Variants in SLC41A2 observed in about 807,000 individuals in gnomAD.
The protein encoded by SLC41A2 is SLC41A1-like 1.
Under a neutral mutation model 58.3 loss-of-function variants are expected in SLC41A2, and 32 were observed. The ratio of observed to expected loss-of-function variants is 0.55; its 90% CI spans 0.41 to 0.74. The LOEUF is 0.74. Ranked by LOEUF, SLC41A2 falls within the 30% of genes least tolerant of loss-of-function variation. The pLI, the probability that SLC41A2 is intolerant of heterozygous loss-of-function variation, is 0.00. For missense variants in SLC41A2, 514 were observed against 680.6 expected, an observed-to-expected ratio of 0.76 and a Z score of 2.72; for synonymous variants, 190 against 235.0, an observed-to-expected ratio of 0.81 and a Z score of 1.75.
At chr12:104,814,551 T>C (rs753357794) in intron 10 of SLC41A2, among the ~76,000 whole-genome samples, 5 of 152,028 alleles carry the variant, frequency 3.3e-5, no homozygotes, top group African/African-American at 1.2e-4. Flanking sequence ...ATGAAACAAA[T>C]GTTTGCTATT....
At chr12:104,853,708 A>ATGT (rs765127468) in intron 8 of SLC41A2, among the ~76,000 whole-genome samples, 1 of 142,580 alleles carries the variant, frequency 7.0e-6, no homozygotes, top group Admixed American at 7.2e-5. Context: ...TTTTTAAATA[A>ATGT]ATGTATGTAT....
At chr12:104,871,500 T>TTA (rs1343456317) in intron 6 of SLC41A2, among the ~76,000 whole-genome samples, 2 of 152,202 alleles carry the variant, frequency 1.3e-5, no homozygotes, top group Non-Finnish European at 2.9e-5. Flanking sequence ...AGAGCTTAGA[T>TTA]TACTCTCTGA....
At chr12:104,886,148 T>TA (rs2044648799) in intron 6 of SLC41A2, 145 bp downstream of exon 6, 15 of 775,226 alleles carry the variant, frequency 1.9e-5, no homozygotes, top group South Asian at 2.4e-5. Flanking sequence ...ATAGTAGGTA[T>TA]AAAACAAATG....
rs1593201459 is a variant in SLC41A2 at position 104,953,728 on chromosome 12, T to C, written c.-168+4360A>G. On this transcript the variant is annotated intron_variant, in intron 1 of 10. Transcript: ENST00000258538. ...AATCCAGCTTTACCGGAAATGAAAATTACACTATTATTTTAATAGTATTTA... is the reference window on the plus strand; with the variant it reads ...AATCCAGCTTTACCGGAAATGAAAACTACACTATTATTTTAATAGTATTTA... Among the ~76,000 whole-genome samples the C allele has an allele frequency of 4.6e-5, 7 of 152,298 alleles. 1 individual carries two copies. Among genetic ancestry groups the C allele is most frequent in the Admixed American group, 4.6e-4 (7 of 15,290 alleles).
chr12:104,922,491 T>C (rs1479942079), intron 2 of SLC41A2, among the ~76,000 whole-genome samples: 1 of 152,114 alleles, frequency 6.6e-6, no homozygotes, highest in African/African-American at 2.4e-5. Flanking sequence ...TATATATATA[T>C]ATCCACCCAA....
intron 6 of SLC41A2, among the ~76,000 whole-genome samples, chr12:104,882,908 G>T (rs1299106981): frequency 6.6e-6 from 1 of 152,180 alleles, no homozygotes; most frequent in East Asian, 1.9e-4. Context: ...ATATCCTGAA[G>T]AGTGTTTTCC....
chr12:104,924,798 G>A (rs1371990528), intron 2 of SLC41A2, among the ~76,000 whole-genome samples: 1 of 151,482 alleles, frequency 6.6e-6, no homozygotes, highest in Non-Finnish European at 1.5e-5. Context: ...ATTCATAGCA[G>A]AATAGATAAA....
At chr12:104,870,788 G>T (rs1007984119) in intron 6 of SLC41A2, among the ~76,000 whole-genome samples, 3 of 152,114 alleles carry the variant, frequency 2.0e-5, no homozygotes, top group Admixed American at 6.5e-5. Flanking sequence ...ACATGTAGCT[G>T]TTATGATTGA....
chr12:104,916,019 T>G (rs1325111077), intron 2 of SLC41A2, among the ~76,000 whole-genome samples: 1 of 152,182 alleles, frequency 6.6e-6, no homozygotes. Context: ...CTGCATCTAT[T>G]GAGATAATCA....
Position 104,844,600 on chromosome 12 carries a change from G to A in SLC41A2, c.1408C>T (p.Gln470Ter), listed in dbSNP as rs1298267782. The change falls in exon 10 of 11, where the codon CAA becomes TAA. Residue 470 changes from glutamine (Q) to a stop codon, truncating the protein, a stop_gained. Coordinates refer to ENST00000258538, the MANE Select transcript of SLC41A2 (RefSeq NM_001352171.3). LOFTEE classifies it high-confidence loss of function. ...GGAATCACTAAAAGCAGTAGAACTT[G>A]AGCAGACTTATTATTTACTCCTGTA... ...FGPGVNNKSAQVLLLLVIPGH... is the reference protein window; with the variant it reads ...FGPGVNNKSA The A allele has an allele frequency of 6.5e-7, 1 of 1,538,902 alleles. No individual in the cohort carries two copies. Among genetic ancestry groups the A allele is most frequent in the Admixed American group, 2.1e-5 (1 of 47,946 alleles).
intron 2 of SLC41A2, among the ~76,000 whole-genome samples, chr12:104,918,096 G>C (rs186292555): frequency 1.3e-5 from 2 of 151,082 alleles, no homozygotes; most frequent in Admixed American, 1.3e-4. Context: ...AAATGAAAAG[G>C]TGAAAAGTTT....
At chr12:104,852,518 C>G (rs1228212833) in intron 8 of SLC41A2, among the ~76,000 whole-genome samples, 1 of 152,094 alleles carries the variant, frequency 6.6e-6, no homozygotes, top group Non-Finnish European at 1.5e-5. Flanking sequence ...TTTATCATTT[C>G]TTTGTTACCA....
At chr12:104,939,274 C>T (rs75976546) in intron 1 of SLC41A2, among the ~76,000 whole-genome samples, 5,823 of 152,248 alleles carry the variant, frequency 0.038, 154 homozygotes, top group East Asian at 0.11. Flanking sequence ...CATAGCTCAC[C>T]AAAGCCTCAA....
At chr12:104,870,934 C>G (rs939581700) in intron 6 of SLC41A2, among the ~76,000 whole-genome samples, 2 of 152,040 alleles carry the variant, frequency 1.3e-5, no homozygotes, top group African/African-American at 2.4e-5. Flanking sequence ...TCACTCTAAC[C>G]TAAGATGGTA....
chr12:104,849,073 A>G (rs915627496), intron 8 of SLC41A2, among the ~76,000 whole-genome samples: 1 of 152,218 alleles, frequency 6.6e-6, no homozygotes, highest in African/African-American at 2.4e-5. Flanking sequence ...ATTCCACATG[A>G]TTAAAGACCT....
intron 1 of SLC41A2, among the ~76,000 whole-genome samples, chr12:104,947,602 A>G (rs1312990194): frequency 6.6e-6 from 1 of 151,808 alleles, no homozygotes; most frequent in African/African-American, 2.4e-5. Flanking sequence ...CCTATTTTTC[A>G]TTAAATTAAA....
intron 1 of SLC41A2, among the ~76,000 whole-genome samples, chr12:104,935,335 C>CAA (rs958649573): frequency 6.2e-5 from 9 of 144,398 alleles, no homozygotes; most frequent in African/African-American, 2.3e-4. Flanking sequence ...TTCAAAATGC[C>CAA]AAAAAAAAAT....
intron 1 of SLC41A2, among the ~76,000 whole-genome samples, chr12:104,933,791 C>T (rs770157425): frequency 5.9e-5 from 9 of 151,898 alleles, no homozygotes; most frequent in Non-Finnish European, 1.2e-4. Context: ...GAGCTAGAGG[C>T]CATTATTCTA....
At chr12:104,808,025 A>G (rs1396794042) in intron 10 of SLC41A2, among the ~76,000 whole-genome samples, 1 of 152,156 alleles carries the variant, frequency 6.6e-6, no homozygotes, top group Non-Finnish European at 1.5e-5. Flanking sequence ...GGACAATTTG[A>G]CTTCCTCTTT....
Sources: allele counts gnomAD v4.1 joint callset (sites outside exome capture counted in the v4.1 genomes callset), GRCh38; gene constraint gnomAD v4.1.1; transcripts MANE v1.5; gene names NCBI Gene and HGNC (gene_info 2026-07-23, HGNC 2026-07-21).